Variants in RASGEF1C observed in about 807,000 individuals in gnomAD.
RASGEF1C encodes ras-GEF domain-containing family member 1C.
RASGEF1C carries 27 observed loss-of-function variants against 58.1 expected under a neutral mutation model. That is an observed-to-expected ratio of 0.46 (90% CI 0.34 to 0.64). The LOEUF (loss-of-function observed/expected upper bound fraction) is 0.64. Among genes scored for constraint, RASGEF1C ranks in the 30% least tolerant of loss-of-function variants. RASGEF1C has a pLI of 0.01. For missense variants in RASGEF1C, 502 were observed against 605.1 expected, an observed-to-expected ratio of 0.83 and a Z score of 1.79; for synonymous variants, 243 against 246.3, an observed-to-expected ratio of 0.99 and a Z score of 0.13.
chr5:180,165,939 T>C (rs1216182387), intron 1 of RASGEF1C, among the ~76,000 whole-genome samples: 5 of 151,476 alleles, frequency 3.3e-5, no homozygotes, highest in East Asian at 2.0e-4. Flanking sequence ...TTAGTAGAGA[T>C]GGGGTTTCAC....
rs886539883 is a variant in RASGEF1C at position 180,177,420 on chromosome 5, G to A, written c.-7+31608C>T. On this transcript the variant is annotated intron_variant, in intron 1 of 13. Transcript: ENST00000361132. The surrounding 1 kb of genome is among the most constrained non-coding windows in gnomAD (Gnocchi z 5.0). The stretch of plus-strand genomic sequence containing the variant: ...CAAAAGCTCTTCGGTGAGTGCCTGC[G>A]CAATCTGCCCGGCTGGGCCGCAGCA... 2.6e-5 allele frequency among the ~76,000 whole-genome samples: 4 copies of A among 152,194 alleles called. No individual in the cohort carries two copies. The highest frequency in any genetic ancestry group is 6.5e-5 in the Admixed American group (1 of 15,282).
At chr5:180,126,959 G>A (rs1185596053) in intron 6 of RASGEF1C, among the ~76,000 whole-genome samples, 1 of 138,214 alleles carries the variant, frequency 7.2e-6, no homozygotes, top group African/African-American at 2.7e-5. Context: ...TAACCTACTA[G>A]GTGATTTTTG....
intron 1 of RASGEF1C, among the ~76,000 whole-genome samples, chr5:180,179,642 C>T (rs992454340): frequency 6.6e-6 from 1 of 152,170 alleles, no homozygotes; most frequent in Non-Finnish European, 1.5e-5. Flanking sequence ...GGGAAGGAGA[C>T]GCGTCCTGCC....
In RASGEF1C at chr5:180,191,522, G is replaced by A. The variant is rs897629094; in HGVS notation, c.-7+17506C>T. 5.9e-5 allele frequency among the ~76,000 whole-genome samples: 9 copies of A among 151,880 alleles called. No homozygotes were observed. The East Asian group carries it at 1.2e-3, about 20-fold the overall frequency. On this transcript the variant is annotated intron_variant, in intron 1 of 13. Transcript: ENST00000361132. Reference sequence around the variant, plus strand: ...CAGGCGCCCGCCACCACGGCCGGCTGATTTTTTGTATATTTAGTAGAGACG... The same window carrying A: ...CAGGCGCCCGCCACCACGGCCGGCTAATTTTTTGTATATTTAGTAGAGACG...
At chr5:180,104,500 T>G (rs1037469669) in intron 12 of RASGEF1C, among the ~76,000 whole-genome samples, 1 of 152,102 alleles carries the variant, frequency 6.6e-6, no homozygotes, top group Non-Finnish European at 1.5e-5. Context: ...AAACTGTAGA[T>G]ATATATATAT....
intron 1 of RASGEF1C, among the ~76,000 whole-genome samples, chr5:180,175,644 G>A (rs1001354251): frequency 2.6e-5 from 4 of 152,182 alleles, no homozygotes; most frequent in Non-Finnish European, 4.4e-5. Context: ...AGTTTAAAAC[G>A]ACCACTTCTC....
rs531177850 is a variant in RASGEF1C, at chr5:180,101,412, C to G, written c.*89G>C. The G allele has an allele frequency of 2.6e-6, 4 of 1,524,624 alleles. No homozygotes were observed. Among genetic ancestry groups the G allele is most frequent in the South Asian group, 1.1e-5 (1 of 88,232 alleles). 94.4% of individuals were successfully genotyped at this position (1,524,624 alleles called of 1,614,324 possible). ...GGCATTTGCAAAATAGTGAGGCACT[C>G]CCTGGCCTCTGCCCACTGGGCCACT... On this transcript the variant is annotated 3_prime_UTR_variant, in exon 14 of 14. Transcript: ENST00000361132.
At chr5:180,135,941 T>A (rs892421397) in intron 4 of RASGEF1C, among the ~76,000 whole-genome samples, 23 of 152,250 alleles carry the variant, frequency 1.5e-4, no homozygotes, top group African/African-American at 4.1e-4. Flanking sequence ...CTGTAGACAC[T>A]CTTCCCTGGC....
In RASGEF1C at chr5:180,128,604, G is replaced by A. The variant is rs188445387; in HGVS notation, c.445C>T (p.Arg149Trp). 1.3e-5 allele frequency: 21 copies of A among 1,613,322 alleles called. No homozygotes were observed. Among genetic ancestry groups the A allele is most frequent in the East Asian group, 1.1e-4 (5 of 44,880 alleles). The change falls in exon 5 of 14, where the codon CGG (arginine) becomes TGG (tryptophan). Residue 149 changes from arginine to tryptophan, a missense_variant. Transcript: ENST00000361132. The part of the protein sequence containing the change: ...GRIAPCDEAY[R>W]KRMHQLLQAL... ...TGTAGGAGCTGATGCATCCTCTTCC[G>A]GTATGCCTGGTGGGTGGAAAGAAGG...
intron 1 of RASGEF1C, among the ~76,000 whole-genome samples, chr5:180,201,344 C>A (rs1756391920): frequency 6.6e-6 from 1 of 152,110 alleles, no homozygotes; most frequent in East Asian, 1.9e-4. Flanking sequence ...CCTACGGAAG[C>A]AAAAGTGAAT....
intron 6 of RASGEF1C, among the ~76,000 whole-genome samples, chr5:180,122,481 C>T (rs1766192386): frequency 6.6e-6 from 1 of 152,086 alleles, no homozygotes; most frequent in Non-Finnish European, 1.5e-5. Context: ...TGGCTCACGC[C>T]TGTAATCGCA....
At chr5:180,201,874 C>T (rs760159163) in intron 1 of RASGEF1C, among the ~76,000 whole-genome samples, 15 of 152,198 alleles carry the variant, frequency 9.9e-5, no homozygotes, top group Non-Finnish European at 1.5e-4. Flanking sequence ...AACCAGGATG[C>T]GGCCCTCACC....
chr5:180,195,825 C>G (rs1309921400), intron 1 of RASGEF1C, among the ~76,000 whole-genome samples: 1 of 152,038 alleles, frequency 6.6e-6, no homozygotes, highest in African/African-American at 2.4e-5. Flanking sequence ...GCCCGCCGTC[C>G]GGTGAGGCAG....
At chr5:180,114,592 G>A (rs1766033254) in intron 10 of RASGEF1C, 51 bp from the exon 11 acceptor site, 1 of 1,548,978 alleles carries the variant, frequency 6.5e-7, no homozygotes, top group Non-Finnish European at 8.8e-7. Flanking sequence ...CACACAGCGG[G>A]CTCCAGGACG....
At chr5:180,134,325 A>T (rs552502669) in intron 4 of RASGEF1C, among the ~76,000 whole-genome samples, 4 of 152,076 alleles carry the variant, frequency 2.6e-5, no homozygotes, top group Admixed American at 6.5e-5. Context: ...CTGGTGACAG[A>T]CCTGTGCGTT....
intron 1 of RASGEF1C, among the ~76,000 whole-genome samples, chr5:180,165,009 C>T (rs555301371): frequency 3.9e-5 from 6 of 152,148 alleles, no homozygotes; most frequent in Non-Finnish European, 7.3e-5. Flanking sequence ...TTTATCATTA[C>T]GTAATGTCCT....
chr5:180,128,274 C>A (rs1582270531), intron 5 of RASGEF1C, 136 bp downstream of exon 5: 2 of 831,406 alleles, frequency 2.4e-6, no homozygotes, highest in East Asian at 2.4e-5. Flanking sequence ...CACAAGGGGC[C>A]CAGTGCATGC....
At chr5:180,140,566 A>T (rs1361510953) in intron 1 of RASGEF1C, among the ~76,000 whole-genome samples, 2 of 152,142 alleles carry the variant, frequency 1.3e-5, no homozygotes, top group African/African-American at 4.8e-5. Context: ...GTGAGGTCAG[A>T]GCTGCTGCTA....
chr5:180,135,043 C>T (rs542356424), intron 4 of RASGEF1C, among the ~76,000 whole-genome samples: 108 of 68,380 alleles, frequency 1.6e-3, no homozygotes, highest in Non-Finnish European at 4.6e-3. Flanking sequence ...TCCGCTGTCC[C>T]CACCCCCCCC....
Sources: gnomAD v4.1 joint callset for allele counts (sites outside exome capture counted in the v4.1 genomes callset) on GRCh38, gnomAD v4.1.1 for gene constraint, Gnocchi (gnomAD v3.1) non-coding constraint, MANE v1.5 for transcripts, NCBI Gene and HGNC (gene_info 2026-07-23, HGNC 2026-07-21) for gene names.